PGAP1: variants seen among roughly 807,000 people sequenced by gnomAD.
PGAP1 encodes GPI inositol-deacylase.
Under a neutral mutation model 127.0 loss-of-function variants are expected in PGAP1, and 76 were observed. That is an observed-to-expected ratio of 0.60 (90% CI 0.50 to 0.72). The LOEUF is 0.72. Among genes scored for constraint, PGAP1 ranks in the 30% least tolerant of loss-of-function variants. The pLI is 0.00. For synonymous variants in PGAP1, 362 were observed against 366.5 expected (o/e 0.99, Z 0.14); for missense variants, 982 against 1,071.3 (o/e 0.92, Z 1.16).
intron 12 of PGAP1, among the ~76,000 whole-genome samples, chr2:196,881,528 CTGT>C (rs1481577155): frequency 1.3e-5 from 2 of 152,178 alleles, no homozygotes; most frequent in African/African-American, 4.8e-5. Context: ...TCGCCAGCAT[CTGT>C]TATTTTTTGA....
chr2:196,889,827 C>G (rs1702038526), intron 10 of PGAP1, among the ~76,000 whole-genome samples: 1 of 147,384 alleles, frequency 6.8e-6, no homozygotes, highest in Admixed American at 6.8e-5. Flanking sequence ...CCACCTCACT[C>G]CAGCCTGGGT....
intron 4 of PGAP1, among the ~76,000 whole-genome samples, chr2:196,912,607 A>G (rs1032266646): frequency 1.4e-5 from 2 of 147,690 alleles, no homozygotes; most frequent in African/African-American, 2.5e-5. Context: ...AAAAAAAAAA[A>G]CTAAACGGAA....
In PGAP1 at chr2:196,926,694, G is replaced by C. The variant is rs1264055520; in HGVS notation, c.-78C>G. 1.2e-5 allele frequency: 19 copies of C among 1,598,130 alleles called. No individual in the cohort carries two copies. The highest frequency in any genetic ancestry group is 1.6e-5 in the Non-Finnish European group (19 of 1,171,682). ...CCGCGGGGCCCCAAGCCCGGACTGAGCGTGCTAGACACTGTCCGACCGCCA... is the reference window on the plus strand; with the variant it reads ...CCGCGGGGCCCCAAGCCCGGACTGACCGTGCTAGACACTGTCCGACCGCCA... On this transcript the variant is annotated 5_prime_UTR_variant, in exon 1 of 27. Coordinates refer to ENST00000354764, the MANE Select transcript of PGAP1 (RefSeq NM_024989.4).
rs1410661840 is a variant in PGAP1 at position 196,892,350 on chromosome 2, T to A, written c.1085A>T (p.Tyr362Phe). Residue 362 changes from tyrosine to phenylalanine, a missense_variant, in exon 9 of 27, where the codon TAC becomes TTC. Transcript: ENST00000354764. ...VKVSKWTYVA[Y>F]NESEKIYFTF... ...ATCCATTGGTGGAATACTTACGTTGTAAGCTACATAGGTCCATTTGGACAC... is the reference window on the plus strand; with the variant it reads ...ATCCATTGGTGGAATACTTACGTTGAAAGCTACATAGGTCCATTTGGACAC... 4 of 1,429,442 alleles carry A rather than the reference T, an allele frequency of 2.8e-6. No individual in the cohort carries two copies. In the Admixed American group the frequency reaches 8.4e-5, roughly 30 times the overall value. 88.5% of individuals were successfully genotyped at this position (1,429,442 alleles called of 1,614,324 possible).
chr2:196,890,168 C>G (rs1702053239), intron 10 of PGAP1, among the ~76,000 whole-genome samples: 2 of 152,068 alleles, frequency 1.3e-5, no homozygotes, highest in Admixed American at 1.3e-4. Context: ...CTCCTGAGCT[C>G]AAATGATCCA....
chr2:196,915,947 G>T (rs1404412674), intron 3 of PGAP1, among the ~76,000 whole-genome samples: 1 of 152,124 alleles, frequency 6.6e-6, no homozygotes, highest in Non-Finnish European at 1.5e-5. Context: ...CCATAGTCTG[G>T]AAAACGCTTC....
chr2:196,844,638 G>T, intron 23 of PGAP1, 64 bp from the exon 24 acceptor site: 1 of 1,167,372 alleles, frequency 8.6e-7, no homozygotes, highest in Non-Finnish European at 1.2e-6. Flanking sequence ...TAAGCCTTTT[G>T]GTATTAAAAA....
chr2:196,916,740 T>A lies in PGAP1; in HGVS notation c.302-147A>T, dbSNP rs905614191. 6 of 718,024 alleles carry A rather than the reference T, an allele frequency of 8.4e-6. 1 individual carries two copies. The Admixed American group carries it at 1.8e-4, about 22-fold the overall frequency. The allele number at this position is 718,024 out of a possible 1,614,324, so 44.5% of individuals were successfully genotyped here. ...GATGAAATTCATTAATAGCACCAATTTAGAACAAACTAATCTAGCAACTGT... is the reference window on the plus strand; with the variant it reads ...GATGAAATTCATTAATAGCACCAATATAGAACAAACTAATCTAGCAACTGT... On this transcript the variant is annotated intron_variant, in intron 2 of 26. Coordinates refer to ENST00000354764, the MANE Select transcript of PGAP1 (RefSeq NM_024989.4).
At chr2:196,857,282 C>T (rs1288569485) in intron 20 of PGAP1, among the ~76,000 whole-genome samples, 1 of 152,166 alleles carries the variant, frequency 6.6e-6, no homozygotes, top group Non-Finnish European at 1.5e-5. Flanking sequence ...AATACAACTC[C>T]TAACAGTTTA....
chr2:196,890,229 C>T (rs142218445), intron 10 of PGAP1, among the ~76,000 whole-genome samples: 407 of 152,262 alleles, frequency 2.7e-3, no homozygotes, highest in Non-Finnish European at 4.6e-3. Flanking sequence ...GCCACCACAC[C>T]TAGCTTCCAT....
rs547883169 is a variant in PGAP1 at position 196,921,478 on chromosome 2, A to C, written c.148-1328T>G. Among the ~76,000 whole-genome samples the C allele has an allele frequency of 2.0e-5, 3 of 152,266 alleles. No homozygotes were observed. The East Asian group carries it at 5.8e-4, about 29-fold the overall frequency. ...AAAAATGAAAATGATGTGATAGTTTACTTCTTTAGGTACAAATTAAATAAA... is the reference window on the plus strand; with the variant it reads ...AAAAATGAAAATGATGTGATAGTTTCCTTCTTTAGGTACAAATTAAATAAA... On this transcript the variant is annotated intron_variant, in intron 1 of 26. Transcript: ENST00000354764.
At chr2:196,855,717 T>C (rs1700859929) in intron 20 of PGAP1, among the ~76,000 whole-genome samples, 1 of 152,214 alleles carries the variant, frequency 6.6e-6, no homozygotes, top group Admixed American at 6.5e-5. Context: ...TCTACTTGGC[T>C]CCTACAAAAT....
intron 22 of PGAP1, 87 bp from the exon 23 acceptor site, chr2:196,846,104 C>T: frequency 1.3e-6 from 1 of 750,632 alleles, no homozygotes; most frequent in Non-Finnish European, 1.9e-6. Context: ...AGTACCCTCC[C>T]AGTCTCTCTT....
intron 1 of PGAP1, among the ~76,000 whole-genome samples, chr2:196,923,025 T>G (rs986490448): frequency 6.6e-6 from 1 of 152,060 alleles, no homozygotes; most frequent in African/African-American, 2.4e-5. Flanking sequence ...CATGACATGC[T>G]TTAAAATGTA....
Position 196,872,337 on chromosome 2 carries a change from T to A in PGAP1, c.1728+104A>T, listed in dbSNP as rs572384782. ...ATATTTTAAATGCCTATTTTTTATATGCATTGGCTTCCATGCCACCATATA... is the reference window on the plus strand; with the variant it reads ...ATATTTTAAATGCCTATTTTTTATAAGCATTGGCTTCCATGCCACCATATA... On this transcript the variant is annotated intron_variant, in intron 18 of 26. Coordinates refer to ENST00000354764, the MANE Select transcript of PGAP1 (RefSeq NM_024989.4). The A allele has an allele frequency of 4.3e-6, 3 of 690,424 alleles. No individual in the cohort carries two copies. The South Asian group carries it at 6.7e-5, about 15-fold the overall frequency. The allele number at this position is 690,424 out of a possible 1,614,324, so 42.8% of individuals were successfully genotyped here.
intron 10 of PGAP1, 42 bp from the exon 11 acceptor site, chr2:196,885,922 A>T: frequency 1.5e-6 from 2 of 1,293,632 alleles, no homozygotes; most frequent in South Asian, 5.8e-5. Context: ...TAAGTATTGT[A>T]GAAAATAATT....
chr2:196,913,084 C>A, intron 3 of PGAP1, 31 bp from the exon 4 acceptor site: 2 of 1,564,830 alleles, frequency 1.3e-6, no homozygotes, highest in East Asian at 4.6e-5. Context: ...GTCATAATTG[C>A]GGCTTTGTAT....
chr2:196,875,691 C>A (rs1029463083), intron 14 of PGAP1, 55 bp downstream of exon 14: 3 of 929,984 alleles, frequency 3.2e-6, no homozygotes, highest in Middle Eastern at 2.2e-4. Context: ...TGCTTTACTG[C>A]AACTCTGTTA....
intron 13 of PGAP1, among the ~76,000 whole-genome samples, chr2:196,877,215 T>C (rs1390411270): frequency 1.3e-5 from 2 of 152,040 alleles, no homozygotes; most frequent in African/African-American, 4.8e-5. Flanking sequence ...GGTTTAATTA[T>C]TTTGTTTTCT....
Sources: allele counts gnomAD v4.1 joint callset (sites outside exome capture counted in the v4.1 genomes callset), GRCh38; gene constraint gnomAD v4.1.1; transcripts MANE v1.5; gene names NCBI Gene and HGNC (gene_info 2026-07-23, HGNC 2026-07-21).